Variants in TCERG1L observed in about 807,000 individuals in gnomAD.
The protein encoded by TCERG1L is transcription elongation regulator 1 like.
Under a neutral mutation model 56.3 loss-of-function variants are expected in TCERG1L, and 37 were observed. The observed-to-expected ratio is 0.66, with a 90% CI of 0.51 to 0.87. The LOEUF (loss-of-function observed/expected upper bound fraction) is 0.87, where lower values mean the gene tolerates loss of function less well. TCERG1L is among the 40% of genes least tolerant of loss of function. The pLI is 0.00. For missense variants in TCERG1L, 799 were observed against 774.2 expected, an observed-to-expected ratio of 1.03 and a Z score of -0.38; for synonymous variants, 324 against 326.3, an observed-to-expected ratio of 0.99 and a Z score of 0.08.
intron 9 of TCERG1L, among the ~76,000 whole-genome samples, chr10:131,105,440 TG>T (rs1056887752): frequency 6.6e-6 from 1 of 152,056 alleles, no homozygotes; most frequent in African/African-American, 2.4e-5. Context: ...GGAAATGTCC[TG>T]GGGGGGATAC....
chr10:131,276,347 T>C (rs80231760), intron 3 of TCERG1L, among the ~76,000 whole-genome samples: 2,882 of 152,342 alleles, frequency 0.019, 103 homozygotes, highest in African/African-American at 0.066. Flanking sequence ...CAAGGCTTCA[T>C]TGACCTTGAG....
chr10:131,142,091 T>G (rs1265504810), intron 7 of TCERG1L, among the ~76,000 whole-genome samples: 2 of 152,230 alleles, frequency 1.3e-5, no homozygotes, highest in East Asian at 3.9e-4. Context: ...GGCACTACAA[T>G]GGAGCTTAGC....
At chr10:131,252,010 A>G (rs764816559) in intron 4 of TCERG1L, among the ~76,000 whole-genome samples, 1 of 152,186 alleles carries the variant, frequency 6.6e-6, no homozygotes, top group Non-Finnish European at 1.5e-5. Flanking sequence ...GGGACCTCGG[A>G]TAAGTGGAAT....
At chr10:131,264,108 TC>T (rs1846261624) in intron 3 of TCERG1L, among the ~76,000 whole-genome samples, 3 of 46,424 alleles carry the variant, frequency 6.5e-5, no homozygotes, top group African/African-American at 2.5e-4. Flanking sequence ...GCACTCCCCC[TC>T]CCCCCACACC....
chr10:131,169,498 A>G (rs1846066285), intron 4 of TCERG1L, among the ~76,000 whole-genome samples: 1 of 152,194 alleles, frequency 6.6e-6, no homozygotes, highest in Non-Finnish European at 1.5e-5. Flanking sequence ...AGCACTCCAC[A>G]TATTTCACGA....
intron 4 of TCERG1L, among the ~76,000 whole-genome samples, chr10:131,210,639 T>C (rs1845606532): frequency 6.6e-6 from 1 of 152,182 alleles, no homozygotes; most frequent in African/African-American, 2.4e-5. Flanking sequence ...CTGCATGTCT[T>C]GAGCTGTCCC....
At chr10:131,158,861 C>T (rs1002114910) in intron 6 of TCERG1L, among the ~76,000 whole-genome samples, 4 of 152,186 alleles carry the variant, frequency 2.6e-5, no homozygotes, top group Admixed American at 6.5e-5. Context: ...TGGGCTTGGC[C>T]GCGAGAGGGA....
At chr10:131,196,104 A>T (rs1015690098) in intron 4 of TCERG1L, among the ~76,000 whole-genome samples, 1 of 152,248 alleles carries the variant, frequency 6.6e-6, no homozygotes, top group Non-Finnish European at 1.5e-5. Context: ...CCCAGTATTC[A>T]TGGTACTCCC....
chr10:131,250,289 G>A (rs368955468), intron 4 of TCERG1L, among the ~76,000 whole-genome samples: 11 of 145,054 alleles, frequency 7.6e-5, no homozygotes, highest in African/African-American at 2.3e-4. Context: ...TGCTTCCTGC[G>A]AGATGAGGAC....
intron 11 of TCERG1L, among the ~76,000 whole-genome samples, chr10:131,094,846 C>T (rs1303250831): frequency 1.3e-5 from 2 of 152,112 alleles, no homozygotes; most frequent in African/African-American, 4.8e-5. Context: ...GGGCTTGTTC[C>T]ACGCTCCCCT....
chr10:131,107,722 C>T (rs553927742), intron 9 of TCERG1L, among the ~76,000 whole-genome samples: 1 of 150,560 alleles, frequency 6.6e-6, no homozygotes, highest in South Asian at 2.1e-4. Flanking sequence ...CACGATTGCA[C>T]ACATGTGTGT....
intron 4 of TCERG1L, among the ~76,000 whole-genome samples, chr10:131,221,812 G>A (rs781721370): frequency 1.3e-5 from 2 of 152,194 alleles, no homozygotes; most frequent in Non-Finnish European, 2.9e-5. Flanking sequence ...GAGAAGTGGC[G>A]TCTTTCTGCA....
At chr10:131,200,996 G>A (rs368687682) in intron 4 of TCERG1L, among the ~76,000 whole-genome samples, 3 of 152,080 alleles carry the variant, frequency 2.0e-5, no homozygotes, top group East Asian at 1.9e-4. Flanking sequence ...CCCTCCCCTC[G>A]GGCGGATACA....
intron 3 of TCERG1L, among the ~76,000 whole-genome samples, chr10:131,276,958 T>C (rs1345126558): frequency 1.3e-5 from 2 of 152,212 alleles, no homozygotes; most frequent in East Asian, 3.8e-4. Flanking sequence ...AAGACAGAAA[T>C]GCTCAGAAAA....
intron 4 of TCERG1L, among the ~76,000 whole-genome samples, chr10:131,188,703 T>C (rs1845273254): frequency 6.6e-6 from 1 of 152,234 alleles, no homozygotes; most frequent in Non-Finnish European, 1.5e-5. Flanking sequence ...GCCATGACTT[T>C]GCACTTTTCT....
At chr10:131,270,892 G>A (rs1846332764) in intron 3 of TCERG1L, among the ~76,000 whole-genome samples, 1 of 152,126 alleles carries the variant, frequency 6.6e-6, no homozygotes, top group Non-Finnish European at 1.5e-5. Flanking sequence ...CTGCCAGGCT[G>A]GGGCCAGGCC....
intron 4 of TCERG1L, among the ~76,000 whole-genome samples, chr10:131,256,747 G>A (rs1453082576): frequency 1.3e-5 from 2 of 151,686 alleles, no homozygotes; most frequent in Non-Finnish European, 2.9e-5. Flanking sequence ...ACCTGGGCAT[G>A]GGGGTGTGCA....
chr10:131,100,423 T>C (rs1845293908), intron 10 of TCERG1L, among the ~76,000 whole-genome samples: 1 of 152,176 alleles, frequency 6.6e-6, no homozygotes, highest in Non-Finnish European at 1.5e-5. Flanking sequence ...GCTTCTCTCT[T>C]TCCTCTCCCT....
At chr10:131,282,091 A>G (rs2918112) in intron 3 of TCERG1L, among the ~76,000 whole-genome samples, 90,842 of 147,924 alleles carry the variant, frequency 0.61, 28,087 homozygotes, top group East Asian at 0.85. Flanking sequence ...AGCGGAGATC[A>G]CGCCACTGCA....
Sources: allele counts gnomAD v4.1 joint callset (sites outside exome capture counted in the v4.1 genomes callset), GRCh38; gene constraint gnomAD v4.1.1; transcripts MANE v1.5; gene names NCBI Gene and HGNC (gene_info 2026-07-23, HGNC 2026-07-21).